PLEKHG1: variants seen among roughly 807,000 people sequenced by gnomAD.
PLEKHG1 encodes pleckstrin homology and RhoGEF domain containing G1.
Under a neutral mutation model 100.8 loss-of-function variants are expected in PLEKHG1, and 44 were observed. The observed-to-expected ratio is 0.44, with a 90% CI of 0.34 to 0.56. The LOEUF (loss-of-function observed/expected upper bound fraction) is 0.56. Among genes scored for constraint, PLEKHG1 ranks in the 20% least tolerant of loss-of-function variants. The pLI, the probability that PLEKHG1 is intolerant of heterozygous loss-of-function variation, is 0.01. For synonymous variants in PLEKHG1, 640 were observed against 662.5 expected, an observed-to-expected ratio of 0.97 and a Z score of 0.52; for missense variants, 1,545 against 1,720.9, an observed-to-expected ratio of 0.90 and a Z score of 1.81.
At chr6:150,727,922 A>G (rs1458587275) in intron 1 of PLEKHG1, among the ~76,000 whole-genome samples, 1 of 152,254 alleles carries the variant, frequency 6.6e-6, no homozygotes, top group Non-Finnish European at 1.5e-5. Context: ...CCCAAATGCT[A>G]ATACAACCTG....
chr6:150,680,706 G>A (rs1347761806), intron 3 of PLEKHG1, among the ~76,000 whole-genome samples: 2 of 152,232 alleles, frequency 1.3e-5, no homozygotes, highest in Admixed American at 1.3e-4. Flanking sequence ...ATAATTACCA[G>A]TTGGGTTAAG....
At chr6:150,814,947 C>T (rs756165426) in intron 10 of PLEKHG1, among the ~76,000 whole-genome samples, 6 of 151,976 alleles carry the variant, frequency 3.9e-5, no homozygotes, top group South Asian at 2.1e-4. Flanking sequence ...CTCGAACTCC[C>T]GGCCTCAAGT....
intron 10 of PLEKHG1, among the ~76,000 whole-genome samples, chr6:150,810,499 GGAAA>G (rs1307500190): frequency 6.5e-5 from 4 of 61,920 alleles, no homozygotes; most frequent in Admixed American, 1.3e-4. Context: ...AAGGAAGGAG[GGAAA>G]GAAAGAAAGA....
chr6:150,751,262 G>T (rs981442996), intron 2 of PLEKHG1, among the ~76,000 whole-genome samples: 8 of 117,678 alleles, frequency 6.8e-5, no homozygotes, highest in African/African-American at 2.7e-4. Context: ...GGCTGCAATG[G>T]TGGAATGAAT....
intron 1 of PLEKHG1, among the ~76,000 whole-genome samples, chr6:150,631,375 C>G (rs1425181604): frequency 6.6e-6 from 1 of 152,178 alleles, no homozygotes; most frequent in Non-Finnish European, 1.5e-5. Flanking sequence ...GATGGACAGA[C>G]AGGACTGTGG....
intron 3 of PLEKHG1, among the ~76,000 whole-genome samples, chr6:150,715,915 T>C (rs928970482): frequency 3.4e-5 from 5 of 147,878 alleles, no homozygotes; most frequent in African/African-American, 9.8e-5. Context: ...GAGACCATCC[T>C]GGCTAACACG....
chr6:150,707,227 C>A (rs1247923058), intron 3 of PLEKHG1, among the ~76,000 whole-genome samples: 3 of 151,922 alleles, frequency 2.0e-5, no homozygotes, highest in African/African-American at 7.3e-5. Flanking sequence ...TGGTCTTGAA[C>A]TCCTGACCTC....
Position 150,654,909 on chromosome 6 carries a change from G to A in PLEKHG1, c.-99+4123G>A, listed in dbSNP as rs141963755. Among the ~76,000 whole-genome samples the A allele has an allele frequency of 1.6e-3, 241 of 152,356 alleles. 2 individuals carry two copies. Among genetic ancestry groups the A allele is most frequent in the South Asian group, 0.014 (68 of 4,824 alleles). ...CAGAGGACAGGGATGGAAATGCAGT[G>A]TTTGATCTTTAGAAAGTCACTGAAG... On this transcript the variant is annotated intron_variant, in intron 3 of 3. Transcript: ENST00000367326.
At chr6:150,619,449 G>A (rs1056469921) in intron 1 of PLEKHG1, among the ~76,000 whole-genome samples, 1 of 152,190 alleles carries the variant, frequency 6.6e-6, no homozygotes, top group Non-Finnish European at 1.5e-5. Flanking sequence ...GGAAACCAGT[G>A]ACTCCAAATT....
intron 3 of PLEKHG1, among the ~76,000 whole-genome samples, chr6:150,679,473 G>C (rs955402333): frequency 1.3e-5 from 2 of 152,200 alleles, no homozygotes; most frequent in African/African-American, 4.8e-5. Context: ...TTATCATAAA[G>C]CAAATCATGT....
At chr6:150,830,543 G>C in intron 14 of PLEKHG1, 39 bp from the exon 16 acceptor site, 2 of 1,434,762 alleles carry the variant, frequency 1.4e-6, no homozygotes, top group Non-Finnish European at 1.9e-6. Flanking sequence ...TCTTCTCCAT[G>C]GTGCTGTGAT....
intron 3 of PLEKHG1, among the ~76,000 whole-genome samples, chr6:150,773,724 T>G (rs936586015): frequency 6.6e-6 from 1 of 152,216 alleles, no homozygotes; most frequent in Non-Finnish European, 1.5e-5. Context: ...AATTTGTCAT[T>G]TCTTTGAACT....
At chr6:150,801,952 G>A (rs898547890) in intron 6 of PLEKHG1, among the ~76,000 whole-genome samples, 1 of 152,120 alleles carries the variant, frequency 6.6e-6, no homozygotes, top group African/African-American at 2.4e-5. Flanking sequence ...ACAAGCACTT[G>A]ATAAAAGTAA....
intron 1 of PLEKHG1, among the ~76,000 whole-genome samples, chr6:150,603,099 A>AAAAG (rs1268606953): frequency 5.4e-5 from 8 of 148,350 alleles, no homozygotes; most frequent in Non-Finnish European, 9.1e-5. Context: ...AAAAATAAAA[A>AAAAG]AAAAGAAAAG....
At position 150,691,554 on chromosome 6, in the gene PLEKHG1, G is replaced by C. The variant is rs111461480; in HGVS notation, c.-99+40768G>C. ...TATAAAATAATAATTTCTGTCTGTA[G>C]AGCTGTACACCCTGTAGTCGAAAAG... On this transcript the variant is annotated intron_variant, in intron 3 of 3. Transcript: ENST00000367326. Among the ~76,000 whole-genome samples the C allele has an allele frequency of 9.5e-3, 1,440 of 152,234 alleles. 23 individuals carry two copies. The highest frequency in any genetic ancestry group is 0.033 in the African/African-American group (1,355 of 41,524).
chr6:150,804,780 G>T (rs1786958119), intron 7 of PLEKHG1, 39 bp downstream of exon 8: 3 of 1,601,916 alleles, frequency 1.9e-6, no homozygotes, highest in African/African-American at 2.7e-5. Context: ...AGGGTTGCAG[G>T]TGTAGTGACT....
Position 150,828,129 on chromosome 6 carries a change from C to T in PLEKHG1, c.1471-2453C>T, listed in dbSNP as rs1776716853. 8 of 1,613,472 alleles carry T rather than the reference C, an allele frequency of 5.0e-6. No individual in the cohort carries two copies. The Admixed American group carries it at 1.3e-4, about 27-fold the overall frequency. The stretch of plus-strand genomic sequence containing the variant: ...CAAAGCCATTTCAACAACCTGCATA[C>T]CCAATTATACTGATAGGAATCTGCC... On this transcript the variant is annotated intron_variant, in intron 14 of 15. Coordinates refer to ENST00000358517, the Ensembl canonical transcript of PLEKHG1.
chr6:150,723,943 G>C (rs1440655428), intron 1 of PLEKHG1, among the ~76,000 whole-genome samples: 1 of 152,230 alleles, frequency 6.6e-6, no homozygotes, highest in Non-Finnish European at 1.5e-5. Flanking sequence ...CAATGTCTTG[G>C]CTGGAAACAC....
At chr6:150,802,860 C>T (rs1375588896) in intron 6 of PLEKHG1, among the ~76,000 whole-genome samples, 3 of 152,050 alleles carry the variant, frequency 2.0e-5, no homozygotes, top group Non-Finnish European at 4.4e-5. Context: ...CGGGGTTTCA[C>T]CATGTTGGCC....
Sources: gnomAD v4.1 joint callset for allele counts (sites outside exome capture counted in the v4.1 genomes callset) on GRCh38, gnomAD v4.1.1 for gene constraint, MANE v1.5 for transcripts, NCBI Gene and HGNC (gene_info 2026-07-23, HGNC 2026-07-21) for gene names.